The following TRPS1 variants were observed in gnomAD, a reference collection of about 807,000 sequenced individuals.
The protein encoded by TRPS1 is zinc finger transcription factor Trps1.
Under a neutral mutation model 101.2 loss-of-function variants are expected in TRPS1, and 6 were observed. The observed-to-expected ratio is 0.06, with a 90% CI of 0.03 to 0.12. The LOEUF (loss-of-function observed/expected upper bound fraction) is 0.12. TRPS1 is among the 10% of genes least tolerant of loss of function. The pLI is 1.00. For missense variants in TRPS1, 1,363 were observed against 1,567.0 expected, an observed-to-expected ratio of 0.87 and a Z score of 2.20; for synonymous variants, 578 against 589.8, an observed-to-expected ratio of 0.98 and a Z score of 0.29.
intron 1 of TRPS1, among the ~76,000 whole-genome samples, chr8:115,648,276 C>T (rs1237245103): frequency 0.02 from 1 of 50 alleles, no homozygotes; most frequent in Non-Finnish European, 0.036. Context: ...GCAGGGCAGG[C>T]AGCGCTGGAG....
chr8:115,609,724 GTATTT>G (rs1455288759), intron 3 of TRPS1, among the ~76,000 whole-genome samples: 1 of 152,180 alleles, frequency 6.6e-6, no homozygotes, highest in African/African-American at 2.4e-5. Context: ...ACAAAAAAGA[GTATTT>G]TAAAGTCTTT....
rs372921802 is a variant in TRPS1 at position 115,465,719 on chromosome 8, A to C, written c.2701-47267T>G. Among the ~76,000 whole-genome samples, 19 of 152,250 alleles carry C rather than the reference A, an allele frequency of 1.2e-4. No individual in the cohort carries two copies. The South Asian group carries it at 2.5e-3, about 20-fold the overall frequency. ...AAAAGTATGATCTTTCATTTTATCC[A>C]TAAGAACTGAATATGACAGAAATGC... On this transcript the variant is annotated intron_variant, in intron 5 of 6. Transcript: ENST00000395715.
chr8:115,568,814 T>C (rs1817134299), intron 5 of TRPS1, among the ~76,000 whole-genome samples: 1 of 152,152 alleles, frequency 6.6e-6, no homozygotes, highest in African/African-American at 2.4e-5. Context: ...TCTGTAAGAC[T>C]GCCTACAGTA....
At chr8:115,587,870 C>T (rs940211466) in intron 4 of TRPS1, among the ~76,000 whole-genome samples, 7 of 152,224 alleles carry the variant, frequency 4.6e-5, no homozygotes, top group Admixed American at 6.5e-5. Flanking sequence ...CGTGCACGCA[C>T]GCACGCACGC....
intron 1 of TRPS1, among the ~76,000 whole-genome samples, chr8:115,666,637 A>T (rs1246963881): frequency 6.6e-6 from 1 of 152,174 alleles, no homozygotes; most frequent in East Asian, 1.9e-4. Flanking sequence ...TTTCTAAATG[A>T]TCAACTTTTT....
At chr8:115,503,899 T>G (rs1363805008) in intron 5 of TRPS1, among the ~76,000 whole-genome samples, 1 of 152,228 alleles carries the variant, frequency 6.6e-6, no homozygotes, top group East Asian at 1.9e-4. Flanking sequence ...GGTATCATTG[T>G]GACTGTGAAC....
At chr8:115,597,054 T>C (rs1400369719) in intron 4 of TRPS1, among the ~76,000 whole-genome samples, 2 of 151,908 alleles carry the variant, frequency 1.3e-5, no homozygotes, top group East Asian at 3.9e-4. Flanking sequence ...CAATCAGAGT[T>C]TTTTCCTGTT....
chr8:115,599,791 C>G (rs1341755278), intron 4 of TRPS1, among the ~76,000 whole-genome samples: 1 of 152,090 alleles, frequency 6.6e-6, no homozygotes, highest in African/African-American at 2.4e-5. Flanking sequence ...AACAATGGTA[C>G]AATAAACATA....
chr8:115,642,028 T>C (rs1818910517), intron 1 of TRPS1, among the ~76,000 whole-genome samples: 1 of 151,594 alleles, frequency 6.6e-6, no homozygotes, highest in East Asian at 1.9e-4. Flanking sequence ...GCCTGGAAAA[T>C]ACAGCAAGAC....
At chr8:115,498,415 C>CTCTCTATA (rs1486361297) in intron 5 of TRPS1, among the ~76,000 whole-genome samples, 11 of 39,316 alleles carry the variant, frequency 2.8e-4, no homozygotes, top group Admixed American at 3.6e-4. Context: ...CTCTCTCTCT[C>CTCTCTATA]TATATATATA....
intron 5 of TRPS1, among the ~76,000 whole-genome samples, chr8:115,552,623 T>G (rs1816730539): frequency 6.6e-6 from 1 of 152,182 alleles, no homozygotes; most frequent in South Asian, 2.1e-4. Flanking sequence ...AAATTAGTAT[T>G]TTTAATTAAA....
At chr8:115,434,732 G>A (rs936996957) in intron 5 of TRPS1, among the ~76,000 whole-genome samples, 6 of 152,074 alleles carry the variant, frequency 3.9e-5, no homozygotes, top group Admixed American at 2.6e-4. Context: ...TAGATTTTCC[G>A]TAGCAACAAA....
intron 4 of TRPS1, among the ~76,000 whole-genome samples, chr8:115,602,615 C>T (rs934879359): frequency 3.3e-4 from 50 of 152,194 alleles, no homozygotes; most frequent in African/African-American, 1.1e-3. Context: ...TGGACATGAA[C>T]TGCTTCATTA....
intron 5 of TRPS1, among the ~76,000 whole-genome samples, chr8:115,549,735 G>A (rs1232049071): frequency 2.0e-5 from 3 of 150,462 alleles, no homozygotes; most frequent in African/African-American, 7.3e-5. Flanking sequence ...GACACAGGAA[G>A]TGTTAAATTA....
chr8:115,596,365 G>A (rs902173970), intron 4 of TRPS1, among the ~76,000 whole-genome samples: 1 of 151,702 alleles, frequency 6.6e-6, no homozygotes, highest in Non-Finnish European at 1.5e-5. Flanking sequence ...ACTTGACATG[G>A]GCAATGATGA....
chr8:115,667,398 AC>A (rs774701262), intron 1 of TRPS1, among the ~76,000 whole-genome samples: 1 of 152,148 alleles, frequency 6.6e-6, no homozygotes, highest in Non-Finnish European at 1.5e-5. Flanking sequence ...ATTTGGAGGG[AC>A]AGCGATGTTT....
intron 4 of TRPS1, among the ~76,000 whole-genome samples, chr8:115,597,978 C>T (rs1817824666): frequency 6.6e-6 from 1 of 152,174 alleles, no homozygotes; most frequent in African/African-American, 2.4e-5. Context: ...ACAGTTACAT[C>T]ATCTGATATC....
chr8:115,667,593 C>A (rs1294452841), intron 1 of TRPS1, among the ~76,000 whole-genome samples: 2 of 152,184 alleles, frequency 1.3e-5, no homozygotes, highest in African/African-American at 2.4e-5. Context: ...TTCCTCAGCC[C>A]CTACGGAAGC....
intron 1 of TRPS1, among the ~76,000 whole-genome samples, chr8:115,647,879 T>A (rs746138326): frequency 1.3e-5 from 2 of 151,866 alleles, no homozygotes; most frequent in Non-Finnish European, 2.9e-5. Flanking sequence ...TTTTTGTATT[T>A]ACATTAGTGC....
Sources: gnomAD v4.1 joint callset for allele counts (sites outside exome capture counted in the v4.1 genomes callset) on GRCh38, gnomAD v4.1.1 for gene constraint, MANE v1.5 for transcripts, NCBI Gene and HGNC (gene_info 2026-07-23, HGNC 2026-07-21) for gene names.